The following STXBP5L variants were observed in gnomAD, a reference collection of about 807,000 sequenced individuals.
The protein encoded by STXBP5L is syntaxin-binding protein 5-like.
Under a neutral mutation model 144.5 loss-of-function variants are expected in STXBP5L, and 65 were observed. The observed-to-expected ratio is 0.45, with a 90% CI of 0.37 to 0.55. STXBP5L has a LOEUF of 0.55. Among genes scored for constraint, STXBP5L ranks in the 20% least tolerant of loss-of-function variants. The pLI, the probability that STXBP5L is intolerant of heterozygous loss-of-function variation, is 0.00. For missense variants in STXBP5L, 1,298 were observed against 1,405.5 expected (o/e 0.92, Z 1.22); for synonymous variants, 505 against 469.6 (o/e 1.08, Z -0.97).
chr3:121,386,885 A>G (rs2046439619), intron 22 of STXBP5L, among the ~76,000 whole-genome samples: 2 of 152,292 alleles, frequency 1.3e-5, no homozygotes, highest in East Asian at 1.9e-4. Context: ...GCATCTTTAT[A>G]GTAGCATGAT....
At chr3:120,990,961 A>G (rs1350905991) in intron 3 of STXBP5L, among the ~76,000 whole-genome samples, 1 of 152,360 alleles carries the variant, frequency 6.6e-6, no homozygotes, top group East Asian at 1.9e-4. Context: ...AATGGCAACA[A>G]AAGCCAAAAC....
chr3:121,173,323 T>TATAATCATAATAATA (rs2046801915), intron 9 of STXBP5L, among the ~76,000 whole-genome samples: 1 of 146,524 alleles, frequency 6.8e-6, no homozygotes, highest in African/African-American at 2.5e-5. Context: ...GAACTTAAAA[T>TATAATCATAATAATA]ATAATAATAA....
chr3:121,191,222 C>T (rs2047666109), intron 9 of STXBP5L, among the ~76,000 whole-genome samples: 1 of 152,192 alleles, frequency 6.6e-6, no homozygotes, highest in African/African-American at 2.4e-5. Flanking sequence ...GAGCCGAGAT[C>T]ACGCCACTGC....
chr3:121,341,626 A>G (rs919629310), intron 20 of STXBP5L, among the ~76,000 whole-genome samples: 1 of 152,166 alleles, frequency 6.6e-6, no homozygotes, highest in African/African-American at 2.4e-5. Flanking sequence ...AGTGTCTATC[A>G]GTGGATGAAT....
At chr3:121,131,398 C>T (rs2044982980) in intron 7 of STXBP5L, among the ~76,000 whole-genome samples, 1 of 152,094 alleles carries the variant, frequency 6.6e-6, no homozygotes, top group Non-Finnish European at 1.5e-5. Flanking sequence ...AAGTACAAGT[C>T]ACAGATGACT....
chr3:121,079,827 C>G (rs1226667236), intron 5 of STXBP5L, among the ~76,000 whole-genome samples: 2 of 152,174 alleles, frequency 1.3e-5, no homozygotes, highest in Non-Finnish European at 2.9e-5. Flanking sequence ...CTGTTAATAT[C>G]TGTTAAGCCC....
intron 9 of STXBP5L, among the ~76,000 whole-genome samples, chr3:121,203,745 C>T (rs1041030506): frequency 6.6e-6 from 1 of 152,112 alleles, no homozygotes; most frequent in Admixed American, 6.6e-5. Context: ...ATTAAAAATG[C>T]TTTAATATGT....
At chr3:121,042,711 A>G (rs970072567) in intron 4 of STXBP5L, among the ~76,000 whole-genome samples, 1 of 152,132 alleles carries the variant, frequency 6.6e-6, no homozygotes, top group Non-Finnish European at 1.5e-5. Context: ...CCAAGGCAAG[A>G]AAGATATTGG....
intron 3 of STXBP5L, among the ~76,000 whole-genome samples, chr3:121,008,116 G>T (rs1944486427): frequency 6.6e-6 from 1 of 151,656 alleles, no homozygotes. Context: ...GCCTTTTCTG[G>T]GTGTCAGAGT....
chr3:121,356,852 A>G (rs929448758), intron 20 of STXBP5L: 42 of 152,656 alleles, frequency 2.8e-4, no homozygotes, highest in African/African-American at 1.0e-3. Context: ...TTAAATGAAA[A>G]GAAGATATAA....
chr3:121,160,209 A>G (rs1018541503), intron 9 of STXBP5L, among the ~76,000 whole-genome samples: 5 of 152,124 alleles, frequency 3.3e-5, no homozygotes, highest in African/African-American at 1.2e-4. Flanking sequence ...GTGCTATTAA[A>G]TTTCCTAATA....
Position 121,324,166 on chromosome 3 carries a change from T to C in STXBP5L, c.2176+5626T>C, listed in dbSNP as rs188238462. Among the ~76,000 whole-genome samples, 5 of 152,244 alleles carry C rather than the reference T, an allele frequency of 3.3e-5. No homozygotes were observed. In the East Asian group the frequency reaches 9.6e-4, roughly 29 times the overall value. On this transcript the variant is annotated intron_variant, in intron 20 of 26. Coordinates refer to ENST00000471454, the MANE Select transcript of STXBP5L (RefSeq NM_001308330.2). ...AATATATATCTTTATCAAAATATCATAGAGGTTAGTCACAAAATACTAACA... is the reference window on the plus strand; with the variant it reads ...AATATATATCTTTATCAAAATATCACAGAGGTTAGTCACAAAATACTAACA...
At chr3:120,950,245 A>C (rs1437231739) in intron 2 of STXBP5L, among the ~76,000 whole-genome samples, 1 of 152,022 alleles carries the variant, frequency 6.6e-6, no homozygotes, top group Non-Finnish European at 1.5e-5. Context: ...GTGGATATAG[A>C]GTTGCTACAG....
At chr3:120,922,396 C>T (rs1293101675) in intron 2 of STXBP5L, among the ~76,000 whole-genome samples, 2 of 151,910 alleles carry the variant, frequency 1.3e-5, no homozygotes, top group Non-Finnish European at 2.9e-5. Flanking sequence ...AAGGTAAGGT[C>T]ATATCACCTG....
At chr3:120,976,945 G>A (rs1268819972) in intron 3 of STXBP5L, among the ~76,000 whole-genome samples, 4 of 152,040 alleles carry the variant, frequency 2.6e-5, no homozygotes, top group African/African-American at 4.8e-5. Context: ...TACATTTGCT[G>A]AGGAGAGCTT....
At chr3:121,360,015 A>AATATATATATTATTACTATATAATATAAT (rs2045660013) in intron 20 of STXBP5L, among the ~76,000 whole-genome samples, 4 of 145,766 alleles carry the variant, frequency 2.7e-5, no homozygotes, top group Non-Finnish European at 6.0e-5. Context: ...TATATAATAT[A>AATATATATATTATTACTATATAATATAAT]ATATATATAT....
At position 121,026,538 on chromosome 3, in the gene STXBP5L, T is replaced by C. The variant is rs570046115; in HGVS notation, c.288-15162T>C. On this transcript the variant is annotated intron_variant, in intron 3 of 26. Transcript: ENST00000471454. ...TTGTTCACTGATATATCCTCATATG[T>C]ACAACAGTGCTCAATGGTTTGGCAG... Among the ~76,000 whole-genome samples, 29 of 152,242 alleles carry C rather than the reference T, an allele frequency of 1.9e-4. No individual in the cohort carries two copies. In the East Asian group the frequency reaches 5.6e-3, roughly 29 times the overall value.
chr3:121,105,592 C>A (rs951945639), intron 5 of STXBP5L, among the ~76,000 whole-genome samples: 38 of 152,094 alleles, frequency 2.5e-4, no homozygotes, highest in Admixed American at 1.6e-3. Context: ...GGAAACACTT[C>A]TACACTGTTG....
Position 121,407,343 on chromosome 3 carries a change from CA to C in STXBP5L, c.2690del (p.Asn897ThrfsTer2). ...CATATGAAGTTTGGAGGGATCCAAA[CA>C]ACATAGATGAAAATGAAAAATCTTG... ...PPYEVWRDPN[N>X]IDENEKSWRR... On this transcript the variant is annotated frameshift_variant, in exon 23 of 27. Coordinates refer to ENST00000471454, the MANE Select transcript of STXBP5L (RefSeq NM_001308330.2). LOFTEE classifies it high-confidence loss of function. The C allele has an allele frequency of 6.2e-7, 1 of 1,612,766 alleles. No individual in the cohort carries two copies. The highest frequency in any genetic ancestry group is 8.5e-7 in the Non-Finnish European group (1 of 1,179,232).
Sources: allele counts gnomAD v4.1 joint callset (sites outside exome capture counted in the v4.1 genomes callset), GRCh38; gene constraint gnomAD v4.1.1; transcripts MANE v1.5; gene names NCBI Gene and HGNC (gene_info 2026-07-23, HGNC 2026-07-21).